Variants in SLC1A2 observed in about 807,000 individuals in gnomAD.
SLC1A2 encodes the protein solute carrier family 1 member 2.
Under a neutral mutation model 48.8 loss-of-function variants are expected in SLC1A2, and 15 were observed. That is an observed-to-expected ratio of 0.31 (90% CI 0.21 to 0.47). The LOEUF (loss-of-function observed/expected upper bound fraction) is 0.47, where lower values mean the gene tolerates loss of function less well. Ranked by LOEUF, SLC1A2 falls within the 20% of genes least tolerant of loss-of-function variation. The probability of loss-of-function intolerance (pLI) is 0.99; values close to 1 mark genes in which losing one functional copy is unlikely to be tolerated. For synonymous variants in SLC1A2, 279 were observed against 272.6 expected (o/e 1.02, Z -0.23); for missense variants, 502 against 730.5 (o/e 0.69, Z 3.61).
chr11:35,401,530 A>G (rs1855139882), intron 1 of SLC1A2, among the ~76,000 whole-genome samples: 1 of 152,144 alleles, frequency 6.6e-6, no homozygotes, highest in Admixed American at 6.5e-5. Flanking sequence ...ACCCATCCTC[A>G]TCATGGCCTA....
At chr11:35,272,093 T>C (rs1850294999) in intron 9 of SLC1A2, among the ~76,000 whole-genome samples, 1 of 152,138 alleles carries the variant, frequency 6.6e-6, no homozygotes, top group Non-Finnish European at 1.5e-5. Context: ...GTAGAATATT[T>C]GAACATGTTT....
At chr11:35,303,575 TG>T (rs1421643721) in intron 5 of SLC1A2, among the ~76,000 whole-genome samples, 1 of 152,202 alleles carries the variant, frequency 6.6e-6, no homozygotes, top group Non-Finnish European at 1.5e-5. Flanking sequence ...CTGAATATTC[TG>T]GCTGAGAATA....
At chr11:35,387,236 G>C (rs905135437) in intron 1 of SLC1A2, among the ~76,000 whole-genome samples, 10 of 152,150 alleles carry the variant, frequency 6.6e-5, no homozygotes, top group Non-Finnish European at 1.2e-4. Context: ...AATCATTCTG[G>C]GGTGGGTGGG....
At chr11:35,398,965 C>T (rs1855058570) in intron 1 of SLC1A2, among the ~76,000 whole-genome samples, 1 of 152,194 alleles carries the variant, frequency 6.6e-6, no homozygotes, top group Non-Finnish European at 1.5e-5. Flanking sequence ...GTTTCAGCAG[C>T]TTCCTGAATG....
chr11:35,287,628 A>G (rs1850869381), intron 7 of SLC1A2, among the ~76,000 whole-genome samples: 1 of 152,184 alleles, frequency 6.6e-6, no homozygotes, highest in African/African-American at 2.4e-5. Context: ...TTAGCAAATC[A>G]AAGACTAAAT....
At chr11:35,314,897 C>T (rs944128542) in intron 3 of SLC1A2, 126 bp downstream of exon 3, 11 of 626,014 alleles carry the variant, frequency 1.8e-5, no homozygotes, top group Non-Finnish European at 2.8e-5. Context: ...ACGGGAAAAC[C>T]AAAGCTCTGA....
At chr11:35,328,876 C>T (rs988593651) in intron 1 of SLC1A2, among the ~76,000 whole-genome samples, 2 of 152,144 alleles carry the variant, frequency 1.3e-5, no homozygotes, top group African/African-American at 4.8e-5. Context: ...GGTCTAGTGG[C>T]CCCAACTCTG....
At chr11:35,291,010 T>C (rs1214024551) in intron 7 of SLC1A2, among the ~76,000 whole-genome samples, 1 of 152,166 alleles carries the variant, frequency 6.6e-6, no homozygotes. Context: ...GACTGCTCAG[T>C]AGCCGTGGAG....
chr11:35,392,616 C>A (rs1203324280), intron 1 of SLC1A2, among the ~76,000 whole-genome samples: 2 of 152,210 alleles, frequency 1.3e-5, no homozygotes, highest in Non-Finnish European at 2.9e-5. Flanking sequence ...CAAGGCCCAC[C>A]CTTTGGCTGC....
chr11:35,313,592 A>C (rs1301101496), intron 3 of SLC1A2, among the ~76,000 whole-genome samples: 1 of 152,184 alleles, frequency 6.6e-6, no homozygotes, highest in Non-Finnish European at 1.5e-5. Flanking sequence ...GCTGCTCTAA[A>C]TTAAGCTGAC....
At chr11:35,369,494 A>G (rs542724655) in intron 1 of SLC1A2, among the ~76,000 whole-genome samples, 1 of 152,344 alleles carries the variant, frequency 6.6e-6, no homozygotes, top group South Asian at 2.1e-4. Flanking sequence ...ATGGAAACTC[A>G]TGCTGGAGGT....
At chr11:35,269,399 A>G (rs1384893672) in intron 9 of SLC1A2, among the ~76,000 whole-genome samples, 2 of 152,202 alleles carry the variant, frequency 1.3e-5, no homozygotes, top group Admixed American at 6.5e-5. Context: ...ATTTTGTAGA[A>G]TTTGGGGAAG....
At chr11:35,303,687 C>T (rs1469279335) in intron 5 of SLC1A2, among the ~76,000 whole-genome samples, 8 of 152,174 alleles carry the variant, frequency 5.3e-5, no homozygotes. Flanking sequence ...TCAGTGTCAG[C>T]AGAAACTGGC....
intron 1 of SLC1A2, among the ~76,000 whole-genome samples, chr11:35,366,480 C>T (rs1057032984): frequency 6.6e-6 from 1 of 152,196 alleles, no homozygotes; most frequent in East Asian, 1.9e-4. Context: ...TGTAAATATA[C>T]CAGCTCCCTT....
intron 8 of SLC1A2, among the ~76,000 whole-genome samples, chr11:35,284,114 T>TATA (rs1554993927): frequency 2.9e-5 from 4 of 139,666 alleles, no homozygotes; most frequent in East Asian, 2.2e-4. Context: ...TATATATAAA[T>TATA]TATTATTTTG....
chr11:35,347,917 G>A (rs1402160492), intron 1 of SLC1A2, among the ~76,000 whole-genome samples: 1 of 152,166 alleles, frequency 6.6e-6, no homozygotes, highest in Non-Finnish European at 1.5e-5. Flanking sequence ...AGAAAAATGA[G>A]GACAAAGAAG....
intron 1 of SLC1A2, among the ~76,000 whole-genome samples, chr11:35,360,689 A>T (rs1853648260): frequency 6.6e-6 from 1 of 152,130 alleles, no homozygotes; most frequent in African/African-American, 2.4e-5. Context: ...GATTTTGTGG[A>T]AGGACCTCTC....
chr11:35,308,015 A>T (rs1851565541), intron 4 of SLC1A2, among the ~76,000 whole-genome samples: 2 of 152,204 alleles, frequency 1.3e-5, no homozygotes, highest in Non-Finnish European at 2.9e-5. Flanking sequence ...AGAGAAGCTT[A>T]TGTGAACAGC....
rs1015555616 is a variant in SLC1A2, at chr11:35,315,267, C to T, written c.158-92G>A. On this transcript the variant is annotated intron_variant, in intron 2 of 10. Transcript: ENST00000278379. ...TTATTTCAGCAACATTGACCTTTCT[C>T]ATGCTTCTGCAGTATTAAATGATGA... 6.7e-5 allele frequency: 58 copies of T among 867,418 alleles called. No homozygotes were observed. In the African/African-American group the frequency reaches 8.0e-4, roughly 12 times the overall value. The allele number at this position is 867,418 out of a possible 1,614,324, so 53.7% of individuals were successfully genotyped here.
Sources: gnomAD v4.1 joint callset for allele counts (sites outside exome capture counted in the v4.1 genomes callset) on GRCh38, gnomAD v4.1.1 for gene constraint, MANE v1.5 for transcripts, NCBI Gene and HGNC (gene_info 2026-07-23, HGNC 2026-07-21) for gene names.